LMX1A: variants seen among roughly 807,000 people sequenced by gnomAD.
The protein encoded by LMX1A is LIM homeobox transcription factor 1 alpha, also known as LIM homeobox transcription factor 1-alpha.
A neutral mutation model predicts 49.1 loss-of-function variants in LMX1A; 15 were observed. The ratio of observed to expected loss-of-function variants is 0.31; its 90% CI spans 0.20 to 0.47. LMX1A has a LOEUF of 0.47. Among genes scored for constraint, LMX1A ranks in the 20% least tolerant of loss-of-function variants. The pLI, the probability that LMX1A is intolerant of heterozygous loss-of-function variation, is 1.00. For synonymous variants in LMX1A, 167 were observed against 185.7 expected (o/e 0.90, Z 0.82); for missense variants, 372 against 475.8 (o/e 0.78, Z 2.03).
chr1:165,282,189 A>T (rs1197168674), intron 3 of LMX1A, among the ~76,000 whole-genome samples: 1 of 152,262 alleles, frequency 6.6e-6, no homozygotes. Context: ...AGCCTGATAA[A>T]TCCCAAATCT....
chr1:165,210,304 A>T (rs1426748340), intron 6 of LMX1A, among the ~76,000 whole-genome samples: 2 of 152,160 alleles, frequency 1.3e-5, no homozygotes, highest in Non-Finnish European at 2.9e-5. Context: ...AAGAAAAGGC[A>T]CTCATTCTAC....
chr1:165,338,160 T>C (rs1341146618), intron 3 of LMX1A, among the ~76,000 whole-genome samples: 1 of 152,162 alleles, frequency 6.6e-6, no homozygotes, highest in Non-Finnish European at 1.5e-5. Flanking sequence ...CCCCAGAAAT[T>C]AGCACAATCT....
chr1:165,330,299 T>A (rs563045576), intron 3 of LMX1A, among the ~76,000 whole-genome samples: 1 of 152,172 alleles, frequency 6.6e-6, no homozygotes, highest in South Asian at 2.1e-4. Context: ...CATAGAGAGA[T>A]CCTGTCCCTA....
chr1:165,299,045 A>G (rs895490293), intron 3 of LMX1A, among the ~76,000 whole-genome samples: 6 of 152,226 alleles, frequency 3.9e-5, no homozygotes, highest in African/African-American at 1.4e-4. Flanking sequence ...TGAAACTCAG[A>G]GAGGCTAAAT....
intron 3 of LMX1A, among the ~76,000 whole-genome samples, chr1:165,319,598 G>A (rs578123003): frequency 3.9e-5 from 6 of 152,112 alleles, no homozygotes; most frequent in South Asian, 2.1e-4. Context: ...ACTTAAGTTC[G>A]ATAATATTAA....
In LMX1A at chr1:165,304,058, G is replaced by A. The variant is rs540953480; in HGVS notation, c.263+49018C>T. Among the ~76,000 whole-genome samples, 14 of 152,226 alleles carry A rather than the reference G, an allele frequency of 9.2e-5. 1 individual carries two copies. Among genetic ancestry groups the A allele is most frequent in the African/African-American group, 2.9e-4 (12 of 41,536 alleles). On this transcript the variant is annotated intron_variant, in intron 3 of 8. Coordinates refer to ENST00000342310, the MANE Select transcript of LMX1A (RefSeq NM_177398.4). ...ACATTACACATTGGTTTAATCCTCA[G>A]TTCTACTGGTTCTACTGATCCTCAG...
rs150276008 is a variant in LMX1A at position 165,203,473 on chromosome 1, T to TCA, written c.*405_*406dup. 16 of 156,820 alleles carry TCA rather than the reference T, an allele frequency of 1.0e-4. No individual in the cohort carries two copies. The highest frequency in any genetic ancestry group is 3.4e-4 in the African/African-American group (14 of 41,600). The allele number at this position is 156,820 out of a possible 1,614,324, so 9.7% of individuals were successfully genotyped here. A position where few individuals can be genotyped will look rare whatever the true frequency, so the allele number is the denominator to read the frequency against. Reference sequence around the variant, plus strand: ...GGGTAAAATACGAAAGGTTACACACTCACACACACACATCTATCTATCTGT... The same window carrying TCA: ...GGGTAAAATACGAAAGGTTACACACTCACACACACACACATCTATCTATCTGT... On this transcript the variant is annotated 3_prime_UTR_variant, in exon 9 of 9. Transcript: ENST00000342310.
At chr1:165,228,430 C>A (rs781105194) in intron 4 of LMX1A, among the ~76,000 whole-genome samples, 1 of 152,210 alleles carries the variant, frequency 6.6e-6, no homozygotes, top group Non-Finnish European at 1.5e-5. Context: ...CATCAGCCAT[C>A]TAATCACTTC....
intron 4 of LMX1A, among the ~76,000 whole-genome samples, chr1:165,243,128 G>A (rs1028665154): frequency 4.6e-5 from 7 of 152,102 alleles, no homozygotes; most frequent in Non-Finnish European, 1.0e-4. Context: ...TAAAATGTTA[G>A]CATTACAGGA....
At chr1:165,326,383 C>G (rs1386377871) in intron 3 of LMX1A, among the ~76,000 whole-genome samples, 2 of 152,238 alleles carry the variant, frequency 1.3e-5, no homozygotes, top group Non-Finnish European at 2.9e-5. Flanking sequence ...TTAACCGTAA[C>G]TGCTTTGCAG....
intron 3 of LMX1A, among the ~76,000 whole-genome samples, chr1:165,304,439 C>T (rs1654868505): frequency 6.6e-6 from 1 of 152,136 alleles, no homozygotes; most frequent in Non-Finnish European, 1.5e-5. Flanking sequence ...CAAGATATGC[C>T]ACTTCTAAAC....
intron 4 of LMX1A, among the ~76,000 whole-genome samples, chr1:165,231,087 A>C (rs1020594656): frequency 2.1e-5 from 3 of 145,024 alleles, no homozygotes; most frequent in Non-Finnish European, 4.6e-5. Flanking sequence ...GGTTTTTTAA[A>C]ATTTTTATTT....
At chr1:165,287,741 C>G (rs1399798138) in intron 3 of LMX1A, among the ~76,000 whole-genome samples, 1 of 151,950 alleles carries the variant, frequency 6.6e-6, no homozygotes, top group Non-Finnish European at 1.5e-5. Context: ...TATTCATGTT[C>G]CAAGATGGCT....
intron 3 of LMX1A, among the ~76,000 whole-genome samples, chr1:165,324,941 A>G (rs1201761983): frequency 6.6e-6 from 1 of 152,232 alleles, no homozygotes; most frequent in Non-Finnish European, 1.5e-5. Context: ...AATGCCTTCT[A>G]TACCAATGTT....
At chr1:165,280,416 C>A (rs1322166279) in intron 3 of LMX1A, among the ~76,000 whole-genome samples, 1 of 151,988 alleles carries the variant, frequency 6.6e-6, no homozygotes, top group African/African-American at 2.4e-5. Flanking sequence ...CCAGCCTCTT[C>A]AGTGGGCTGA....
chr1:165,247,054 C>CTTTTTTTTTTCT lies in LMX1A; in HGVS notation c.496+2353_496+2354insAGAAAAAAAAAA, dbSNP rs1652877682. Among the ~76,000 whole-genome samples, 20 of 53,228 alleles carry CTTTTTTTTTTCT rather than the reference C, an allele frequency of 3.8e-4. 2 individuals carry two copies. The highest frequency in any genetic ancestry group is 6.6e-4 in the Admixed American group (2 of 3,026). 34.9% of individuals were successfully genotyped at this position (53,228 alleles called of 152,430 possible). ...GTTACTTAGATCAGATCAGCTTTTT[C>CTTTTTTTTTTCT]TTTTTTTTTTTTTTTTTTTTTTTTT... is the stretch of plus-strand genomic sequence containing the variant. On this transcript the variant is annotated intron_variant, in intron 4 of 8. Transcript: ENST00000342310.
At chr1:165,234,008 T>C (rs1652331330) in intron 4 of LMX1A, among the ~76,000 whole-genome samples, 1 of 152,054 alleles carries the variant, frequency 6.6e-6, no homozygotes, top group Admixed American at 6.5e-5. Context: ...CAATCCATCC[T>C]CCCCACTCCT....
intron 4 of LMX1A, among the ~76,000 whole-genome samples, chr1:165,236,411 C>T (rs568230671): frequency 1.3e-5 from 2 of 152,010 alleles, no homozygotes; most frequent in African/African-American, 2.4e-5. Flanking sequence ...CTCTCTCCCC[C>T]ACCCCTGCCA....
chr1:165,214,579 G>A (rs1333976223), intron 4 of LMX1A, among the ~76,000 whole-genome samples: 1 of 152,200 alleles, frequency 6.6e-6, no homozygotes, highest in African/African-American at 2.4e-5. Context: ...AAATGCCAAT[G>A]AGCCTTGACT....
Sources: allele counts gnomAD v4.1 joint callset (sites outside exome capture counted in the v4.1 genomes callset), GRCh38; gene constraint gnomAD v4.1.1; transcripts MANE v1.5; gene names NCBI Gene and HGNC (gene_info 2026-07-23, HGNC 2026-07-21).